RBFOX1: variants seen among roughly 807,000 people sequenced by gnomAD.
RBFOX1 encodes the protein RNA binding protein fox-1 homolog 1.
Under a neutral mutation model 57.7 loss-of-function variants are expected in RBFOX1, and 8 were observed. The ratio of observed to expected loss-of-function variants is 0.14; its 90% CI spans 0.08 to 0.25. RBFOX1 has a LOEUF of 0.25. RBFOX1 is among the 10% of genes least tolerant of loss of function. RBFOX1 has a pLI of 1.00. For missense variants in RBFOX1, 611 were observed against 548.5 expected, an observed-to-expected ratio of 1.11 and a Z score of -1.14; for synonymous variants, 326 against 222.4, an observed-to-expected ratio of 1.47 and a Z score of -4.15.
intron 4 of RBFOX1, among the ~76,000 whole-genome samples, chr16:7,383,289 T>G (rs1351786361): frequency 6.9e-6 from 1 of 145,674 alleles, no homozygotes; most frequent in Non-Finnish European, 1.5e-5. Context: ...AAACGTAAAA[T>G]GCAACAACAC....
At chr16:6,388,350 C>A (rs1022598455) in intron 2 of RBFOX1, among the ~76,000 whole-genome samples, 1 of 151,668 alleles carries the variant, frequency 6.6e-6, no homozygotes, top group Non-Finnish European at 1.5e-5. Context: ...CCATGTGGAG[C>A]GTAGGAATGA....
intron 1 of RBFOX1, among the ~76,000 whole-genome samples, chr16:6,250,450 G>A (rs62015142): frequency 6.6e-6 from 1 of 152,044 alleles, no homozygotes; most frequent in Non-Finnish European, 1.5e-5. Context: ...CAAAGAAAAT[G>A]AGCAATGCTA....
At chr16:6,077,168 A>G (rs1420398357) in intron 1 of RBFOX1, among the ~76,000 whole-genome samples, 3 of 152,346 alleles carry the variant, frequency 2.0e-5, no homozygotes, top group Admixed American at 1.3e-4. Context: ...TTTAGACACC[A>G]AAGTTCAGCC....
chr16:6,932,171 T>C (rs912892116), intron 3 of RBFOX1, among the ~76,000 whole-genome samples: 1 of 152,190 alleles, frequency 6.6e-6, no homozygotes, highest in African/African-American at 2.4e-5. Flanking sequence ...TGGCATGATC[T>C]TGGCTCACTG....
chr16:5,957,772 T>TG (rs997920211), intron 4 of RBFOX1, among the ~76,000 whole-genome samples: 4 of 152,170 alleles, frequency 2.6e-5, no homozygotes, highest in African/African-American at 9.7e-5. Flanking sequence ...TCATGGAGTG[T>TG]GGGGGTCTCC....
intron 1 of RBFOX1, among the ~76,000 whole-genome samples, chr16:5,437,081 C>T (rs2067940688): frequency 6.6e-6 from 1 of 152,092 alleles, no homozygotes; most frequent in African/African-American, 2.4e-5. Flanking sequence ...GTAGACTGAA[C>T]TTTTGGCTAT....
intron 4 of RBFOX1, among the ~76,000 whole-genome samples, chr16:7,112,195 T>C (rs541566076): frequency 2.0e-5 from 3 of 152,258 alleles, no homozygotes; most frequent in Non-Finnish European, 4.4e-5. Flanking sequence ...TCATCCATCT[T>C]GTACATAGTC....
intron 3 of RBFOX1, among the ~76,000 whole-genome samples, chr16:5,693,679 G>A (rs1299009331): frequency 1.3e-5 from 2 of 152,176 alleles, no homozygotes; most frequent in African/African-American, 4.8e-5. Flanking sequence ...TTTGATGCCA[G>A]TTAAATTAAA....
At chr16:7,512,382 T>C (rs1365019569) in intron 4 of RBFOX1, among the ~76,000 whole-genome samples, 2 of 152,242 alleles carry the variant, frequency 1.3e-5, no homozygotes, top group Admixed American at 6.5e-5. Context: ...AAGACATCTC[T>C]GGAGCCATTT....
intron 1 of RBFOX1, among the ~76,000 whole-genome samples, chr16:5,253,355 T>C (rs1306614350): frequency 6.6e-6 from 1 of 152,150 alleles, no homozygotes; most frequent in African/African-American, 2.4e-5. Flanking sequence ...TTTCACCATG[T>C]TGGCCAGGCT....
intron 3 of RBFOX1, among the ~76,000 whole-genome samples, chr16:7,000,024 A>G (rs2092643935): frequency 6.6e-6 from 1 of 151,384 alleles, no homozygotes; most frequent in Admixed American, 6.6e-5. Flanking sequence ...GTGAGCCAAG[A>G]TCACACCACT....
At chr16:7,109,021 G>A (rs1399268705) in intron 4 of RBFOX1, among the ~76,000 whole-genome samples, 5 of 152,140 alleles carry the variant, frequency 3.3e-5, no homozygotes, top group African/African-American at 9.7e-5. Flanking sequence ...AAAGAGGGCA[G>A]TATACGTGCA....
intron 4 of RBFOX1, among the ~76,000 whole-genome samples, chr16:7,237,564 C>G (rs754251413): frequency 6.4e-4 from 97 of 152,288 alleles, no homozygotes; most frequent in South Asian, 1.0e-3. Flanking sequence ...AGATTTGGAC[C>G]AACTGGCTTC....
intron 1 of RBFOX1, among the ~76,000 whole-genome samples, chr16:5,443,884 C>G (rs1460602491): frequency 6.6e-6 from 1 of 152,110 alleles, no homozygotes; most frequent in Non-Finnish European, 1.5e-5. Flanking sequence ...TAAAGCTTGA[C>G]TCTGGCATCT....
chr16:5,835,431 A>G (rs1292886676), intron 3 of RBFOX1, among the ~76,000 whole-genome samples: 1 of 152,178 alleles, frequency 6.6e-6, no homozygotes, highest in Admixed American at 6.5e-5. Context: ...GGAAAGCTTA[A>G]TGGAGAAAGG....
At chr16:6,381,067 T>C (rs114753796) in intron 2 of RBFOX1, among the ~76,000 whole-genome samples, 4,703 of 152,198 alleles carry the variant, frequency 0.031, 263 homozygotes, top group African/African-American at 0.11. Context: ...GCCTGTCAGT[T>C]TGGGGCAAGG....
chr16:6,930,178 T>C (rs2076275323), intron 3 of RBFOX1, among the ~76,000 whole-genome samples: 2 of 152,194 alleles, frequency 1.3e-5, no homozygotes, highest in Non-Finnish European at 2.9e-5. Context: ...ATCCCATCTT[T>C]GATAAGGGAT....
At chr16:7,073,696 A>C (rs552199811) in intron 4 of RBFOX1, among the ~76,000 whole-genome samples, 1 of 151,902 alleles carries the variant, frequency 6.6e-6, no homozygotes, top group Non-Finnish European at 1.5e-5. Context: ...AATAAAAAAA[A>C]ATATATACAA....
intron 1 of RBFOX1, among the ~76,000 whole-genome samples, chr16:5,307,013 C>G (rs755666589): frequency 5.3e-5 from 8 of 151,522 alleles, no homozygotes; most frequent in Non-Finnish European, 1.2e-4. Context: ...CTGGTTAGTG[C>G]AGAAATATGA....
Sources: gnomAD v4.1 joint callset for allele counts (sites outside exome capture counted in the v4.1 genomes callset) on GRCh38, gnomAD v4.1.1 for gene constraint, MANE v1.5 for transcripts, NCBI Gene and HGNC (gene_info 2026-07-23, HGNC 2026-07-21) for gene names.